Variants in NBPF12 observed in about 807,000 individuals in gnomAD.
The protein encoded by NBPF12 is NBPF member 12, also known as NBPF family member NBPF12.
Under a neutral mutation model 146.4 loss-of-function variants are expected in NBPF12, and 115 were observed. The ratio of observed to expected loss-of-function variants is 0.79; its 90% CI spans 0.68 to 0.92. The LOEUF is 0.92. Among genes scored for constraint, NBPF12 ranks in the 40% least tolerant of loss-of-function variants. The pLI, the probability that NBPF12 is intolerant of heterozygous loss-of-function variation, is 0.00. For synonymous variants in NBPF12, 385 were observed against 508.9 expected (o/e 0.76, Z 3.28); for missense variants, 1,205 against 1,326.8 (o/e 0.91, Z 1.43).
intron 2 of NBPF12, among the ~76,000 whole-genome samples, chr1:146,957,841 A>AATAT (rs1553884492): frequency 0.012 from 1,377 of 116,844 alleles, 107 homozygotes; most frequent in African/African-American, 0.038. Context: ...AAAAAAATAT[A>AATAT]ATATATATAT....
chr1:146,941,226 A>T (rs1361034734), intron 1 of NBPF12, among the ~76,000 whole-genome samples: 4 of 151,264 alleles, frequency 2.6e-5, no homozygotes, highest in African/African-American at 9.7e-5. Flanking sequence ...TGGGACCTAC[A>T]GGAGACCACT....
At chr1:146,970,870 G>T (rs1369089554) in intron 12 of NBPF12, 151 bp downstream of exon 15, 14 of 972,614 alleles carry the variant, frequency 1.4e-5, no homozygotes, top group Non-Finnish European at 2.2e-5. Flanking sequence ...ACAGGGTGTG[G>T]CAGCTGTCGT....
At chr1:146,964,273 G>C in intron 6 of NBPF12, 84 bp from the exon 10 acceptor site, 1 of 1,580,018 alleles carries the variant, frequency 6.3e-7, no homozygotes, top group Non-Finnish European at 8.7e-7. Flanking sequence ...ATACATAGAT[G>C]TTCATGTCTC....
chr1:146,993,749 C>G, intron 33 of NBPF12, 42 bp downstream of exon 36: 1 of 54,362 alleles, frequency 1.8e-5, no homozygotes, highest in East Asian at 5.8e-4. Flanking sequence ...TGTGTTAACA[C>G]CTGGAGGCAA....
rs1266242981 is a variant in NBPF12, at chr1:146,942,217, G to A, written c.-821-1074G>A. 5.3e-5 allele frequency among the ~76,000 whole-genome samples: 8 copies of A among 151,582 alleles called. No individual in the cohort carries two copies. The East Asian group carries it at 1.4e-3, about 26-fold the overall frequency. ...GTGCCCAGACTAGTTTCAAACACTT[G>A]GGCTCAGTTGATTGTCACACCTTGG... is the stretch of plus-strand genomic sequence containing the variant. On this transcript the variant is annotated intron_variant, in intron 1 of 35. Coordinates refer to the NBPF12 transcript ENST00000617931.
At chr1:146,964,139 G>A (rs1256864952) in intron 6 of NBPF12, among the ~76,000 whole-genome samples, 3 of 146,874 alleles carry the variant, frequency 2.0e-5, no homozygotes, top group Non-Finnish European at 4.5e-5. Flanking sequence ...GGTCTTTTCA[G>A]TATTTGGCCA....
chr1:146,994,885 A>G, exon 34 of NBPF12: 5 of 468,226 alleles, frequency 1.1e-5, no homozygotes, highest in Non-Finnish European at 1.5e-5. Context: ...TTTTGCAGGC[A>G]TGTCTCTGAG....
intron 19 of NBPF12, among the ~76,000 whole-genome samples, chr1:146,980,994 G>A (rs1163504817): frequency 1.5e-5 from 2 of 136,110 alleles, no homozygotes; most frequent in African/African-American, 2.9e-5. Flanking sequence ...CATGGATGAA[G>A]CTGGAAACCA....
intron 2 of NBPF12, among the ~76,000 whole-genome samples, chr1:146,956,213 C>A (rs1655580078): frequency 6.6e-6 from 1 of 151,690 alleles, no homozygotes; most frequent in South Asian, 2.1e-4. Context: ...CAAGACATTA[C>A]AGATGGATTT....
upstream of NBPF12, among the ~76,000 whole-genome samples, chr1:146,946,678 T>C (rs1314223779): frequency 4.0e-5 from 6 of 149,848 alleles, no homozygotes; most frequent in Non-Finnish European, 8.9e-5. Context: ...AGAACAGAAG[T>C]TTTTAATTTT....
chr1:146,945,014 C>T (rs1236013756), upstream of NBPF12, among the ~76,000 whole-genome samples: 65 of 31,962 alleles, frequency 2.0e-3, no homozygotes, highest in Admixed American at 4.0e-3. Context: ...CTTCCTTCCT[C>T]CCTCCCTCCC....
intron 14 of NBPF12, among the ~76,000 whole-genome samples, chr1:146,974,005 C>T (rs1340175817): frequency 2.5e-4 from 37 of 150,900 alleles, no homozygotes; most frequent in African/African-American, 8.4e-4. Flanking sequence ...CCCTCAGTTT[C>T]CTCACCTGTT....
At chr1:146,975,947 G>T in intron 16 of NBPF12, 56 bp downstream of exon 19, 1 of 969,218 alleles carries the variant, frequency 1.0e-6, no homozygotes, top group Non-Finnish European at 1.6e-6. Flanking sequence ...AGAGGCTCCA[G>T]ACCTCCATAC....
chr1:146,995,972 T>C (rs1658517449), exon 34 of NBPF12: 2 of 150,362 alleles, frequency 1.3e-5, no homozygotes, highest in Admixed American at 1.3e-4. Flanking sequence ...TCTCAATTTT[T>C]ACTGTGCCTT....
At chr1:146,943,683 A>C in intron 2 of NBPF12, 121 bp downstream of exon 2, 1 of 607,928 alleles carries the variant, frequency 1.6e-6, no homozygotes, top group Non-Finnish European at 2.2e-6. Context: ...GTGGCATCAA[A>C]CAGATATTAA....
At chr1:146,951,611 T>C in intron 2 of NBPF12, 122 bp downstream of exon 5, 2 of 497,694 alleles carry the variant, frequency 4.0e-6, no homozygotes, top group Admixed American at 3.4e-5. Flanking sequence ...TTTCTTCATA[T>C]CACTTTAAAT....
At chr1:146,947,763 A>G (rs1272724306), upstream of NBPF12, among the ~76,000 whole-genome samples, 4 of 150,070 alleles carry the variant, frequency 2.7e-5, no homozygotes, top group Non-Finnish European at 1.5e-5. Context: ...GTAGTGGACT[A>G]TTGTGTTCGT....
At position 146,965,505 on chromosome 1, in the gene NBPF12, G is replaced by T. The variant is rs1412168025; in HGVS notation, c.778+401G>T. Among the ~76,000 whole-genome samples, 410 of 151,048 alleles carry T rather than the reference G, an allele frequency of 2.7e-3. 2 individuals are homozygous for T. The highest frequency in any genetic ancestry group is 4.6e-3 in the Non-Finnish European group (313 of 67,926). ...TCTTAGCTATTAATAAGTCTTGGCT[G>T]GGCACAGTGGGTTCCACCTGTAATC... On this transcript the variant is annotated intron_variant, in intron 8 of 33. Transcript: ENST00000617844.
chr1:146,977,223 CCTT>C lies in NBPF12; in HGVS notation c.2192+225_2192+227del, dbSNP rs1179786653. Among the ~76,000 whole-genome samples the C allele has an allele frequency of 9.5e-4, 127 of 132,994 alleles. 11 individuals carry two copies. Among genetic ancestry groups the C allele is most frequent in the African/African-American group, 3.6e-3 (124 of 34,268 alleles). 87.2% of individuals were successfully genotyped at this position (132,994 alleles called of 152,430 possible). A position where few individuals can be genotyped will look rare whatever the true frequency, so the allele number is the denominator to read the frequency against. On this transcript the variant is annotated intron_variant, in intron 17 of 33. Transcript: ENST00000617844. Reference sequence around the variant, plus strand: ...CGTACAGGGATAGCTGAGTCTTCATCCTTCTCAGCTCCTATCTGTCCAGTGCAA... The same window carrying C: ...CGTACAGGGATAGCTGAGTCTTCATCCTCAGCTCCTATCTGTCCAGTGCAA...
Sources: allele counts gnomAD v4.1 joint callset (sites outside exome capture counted in the v4.1 genomes callset), GRCh38; gene constraint gnomAD v4.1.1; transcripts MANE v1.5; gene names NCBI Gene and HGNC (gene_info 2026-07-23, HGNC 2026-07-21).